The following HK1 variants were observed in gnomAD, a reference collection of about 807,000 sequenced individuals.
The protein encoded by HK1 is hexokinase 1.
A neutral mutation model predicts 91.6 loss-of-function variants in HK1; 28 were observed. The observed-to-expected ratio is 0.31, with a 90% CI of 0.23 to 0.42. The LOEUF (loss-of-function observed/expected upper bound fraction) is 0.42, where lower values mean the gene tolerates loss of function less well. HK1 is among the 10% of genes least tolerant of loss of function. The probability of loss-of-function intolerance (pLI) is 1.00; values close to 1 mark genes in which losing one functional copy is unlikely to be tolerated. For missense variants in HK1, 770 were observed against 1,219.8 expected, an observed-to-expected ratio of 0.63 and a Z score of 5.49; for synonymous variants, 430 against 468.1, an observed-to-expected ratio of 0.92 and a Z score of 1.05.
intron 4 of HK1, among the ~76,000 whole-genome samples, chr10:69,300,063 G>A (rs995569138): frequency 1.3e-5 from 2 of 151,628 alleles, no homozygotes; most frequent in African/African-American, 4.9e-5. Flanking sequence ...GCCTCCCAAA[G>A]TGCTTGGATT....
At chr10:69,302,755 CAAAAAA>C (rs58435739) in intron 5 of HK1, among the ~76,000 whole-genome samples, 4 of 127,508 alleles carry the variant, frequency 3.1e-5, no homozygotes, top group Admixed American at 8.1e-5. Flanking sequence ...GACCCTGTCT[CAAAAAA>C]AAAAAAAAAA....
chr10:69,354,009 C>T (rs1218215231), intron 2 of HK1, among the ~76,000 whole-genome samples: 1 of 152,182 alleles, frequency 6.6e-6, no homozygotes, highest in Non-Finnish European at 1.5e-5. Flanking sequence ...AGCCCTCGAC[C>T]TGTGGGATAT....
rs576999201 is a variant in HK1, at chr10:69,294,547, C to T, written c.-114-1086C>T. Among the ~76,000 whole-genome samples, 8 of 152,174 alleles carry T rather than the reference C, an allele frequency of 5.3e-5. No homozygotes were observed. In the South Asian group the frequency reaches 1.7e-3, roughly 32 times the overall value. ...GACCAGCCTGGTCAACACAGAGGGACTCCATCTGTACAAAAACTAAAAAAT... is the reference window on the plus strand; with the variant it reads ...GACCAGCCTGGTCAACACAGAGGGATTCCATCTGTACAAAAACTAAAAAAT... On this transcript the variant is annotated intron_variant, in intron 3 of 21. Coordinates refer to the HK1 transcript ENST00000360289.
intron 5 of HK1, among the ~76,000 whole-genome samples, chr10:69,301,849 T>C (rs1265968886): frequency 6.6e-6 from 1 of 152,128 alleles, no homozygotes; most frequent in Admixed American, 6.6e-5. Context: ...TTTGCAGAAA[T>C]TGACAAGCTG....
At chr10:69,360,090 C>G in intron 3 of HK1, 45 bp downstream of exon 3, 3 of 1,594,610 alleles carry the variant, frequency 1.9e-6, no homozygotes, top group Non-Finnish European at 2.6e-6. Flanking sequence ...GCCAGCATCC[C>G]CTTGGTTACC....
At chr10:69,393,455 C>T (rs1840001458) in intron 15 of HK1, among the ~76,000 whole-genome samples, 1 of 152,066 alleles carries the variant, frequency 6.6e-6, no homozygotes, top group Admixed American at 6.6e-5. Flanking sequence ...CGGCACCACG[C>T]CCAGCTAGTT....
intron 4 of HK1, among the ~76,000 whole-genome samples, chr10:69,366,651 A>G (rs567660784): frequency 1.8e-4 from 27 of 152,200 alleles, no homozygotes; most frequent in South Asian, 2.1e-4. Flanking sequence ...AGCTGTGGCC[A>G]TATGTAGACT....
intron 5 of HK1, among the ~76,000 whole-genome samples, chr10:69,307,793 G>A (rs1564499036): frequency 6.6e-6 from 1 of 152,044 alleles, no homozygotes; most frequent in Non-Finnish European, 1.5e-5. Context: ...AATGTATTTA[G>A]CTTACAAAGC....
At chr10:69,312,051 C>A (rs1448447295), upstream of HK1, among the ~76,000 whole-genome samples, 1 of 152,190 alleles carries the variant, frequency 6.6e-6, no homozygotes. Context: ...TTCTGAGGAA[C>A]TTTTACCTTC....
At chr10:69,301,243 T>TG (rs1356664274) in intron 5 of HK1, among the ~76,000 whole-genome samples, 1 of 47,698 alleles carries the variant, frequency 2.1e-5, no homozygotes. Flanking sequence ...AGACTCCATC[T>TG]CAAAAAAAAA....
chr10:69,309,907 G>A (rs1475048859), intron 5 of HK1, among the ~76,000 whole-genome samples: 5 of 150,282 alleles, frequency 3.3e-5, no homozygotes, highest in Admixed American at 6.6e-5. Context: ...AAAATTAGCC[G>A]GGTGTTGTGG....
chr10:69,336,402 G>A (rs1847987232), intron 1 of HK1, among the ~76,000 whole-genome samples: 1 of 151,818 alleles, frequency 6.6e-6, no homozygotes, highest in Non-Finnish European at 1.5e-5. Context: ...TGTTGGTCAG[G>A]CTGGTCTTGA....
chr10:69,321,912 G>T (rs1308054003), intron 1 of HK1, among the ~76,000 whole-genome samples: 3 of 152,174 alleles, frequency 2.0e-5, no homozygotes, highest in African/African-American at 4.8e-5. Flanking sequence ...CTCTTCTAGT[G>T]CCTGTAGGAG....
In HK1 at chr10:69,318,908, C is replaced by G. The variant is rs1186570605; in HGVS notation, c.-40C>G. The G allele has an allele frequency of 6.4e-7, 1 of 1,556,166 alleles. No homozygotes were observed. Among genetic ancestry groups the G allele is most frequent in the East Asian group, 2.4e-5 (1 of 40,942 alleles). ...GCTCGCCAGGGCTGCGGAGGACCGACCGTCCCCACGCCTGCCGCCCCGCGA... is the reference window on the plus strand; with the variant it reads ...GCTCGCCAGGGCTGCGGAGGACCGAGCGTCCCCACGCCTGCCGCCCCGCGA... On this transcript the variant is annotated 5_prime_UTR_variant, in exon 1 of 18. Transcript: ENST00000359426.
chr10:69,395,236 A>G (rs1257623679), intron 16 of HK1, 131 bp downstream of exon 16: 35 of 767,600 alleles, frequency 4.6e-5, no homozygotes, highest in Non-Finnish European at 7.5e-5. Context: ...CCTCTGGAAT[A>G]GCAGACCCTG....
At chr10:69,389,993 G>A (rs1839823311) in intron 14 of HK1, among the ~76,000 whole-genome samples, 1 of 152,196 alleles carries the variant, frequency 6.6e-6, no homozygotes, top group Non-Finnish European at 1.5e-5. Context: ...AAAGACCCCA[G>A]GGAGTTTCTT....
chr10:69,368,615 C>T lies in HK1; in HGVS notation c.575C>T (p.Ala192Val). Residue 192 changes from alanine to valine, a missense_variant, in exon 5 of 18, where the codon GCC becomes GTC. Around this residue, in one of 7 missense-constraint regions of HK1, gnomAD observed 449 missense variants for 665.1 expected, o/e 0.68. Transcript: ENST00000359426. ...GADVVKLLNK[A>V]IKKRGDYDAN... ...GATGTGGTCAAACTGCTTAACAAAG[C>T]CATCAAAAAGCGAGGGGTAATTTCT... 6.2e-7 allele frequency: 1 copy of T among 1,613,872 alleles called. No homozygotes were observed. Among genetic ancestry groups the T allele is most frequent in the South Asian group, 1.1e-5 (1 of 91,078 alleles).
At chr10:69,275,169 C>T (rs1465732654) in intron 1 of HK1, among the ~76,000 whole-genome samples, 1 of 151,212 alleles carries the variant, frequency 6.6e-6, no homozygotes, top group Non-Finnish European at 1.5e-5. Context: ...ATTTTAAATT[C>T]CCATTACAAT....
chr10:69,284,688 G>C, intron 2 of HK1, among the ~76,000 whole-genome samples: 1 of 152,212 alleles, frequency 6.6e-6, no homozygotes, highest in East Asian at 1.9e-4. Flanking sequence ...GCCCAGGCTG[G>C]AGTGCAGTGG....
Sources: gnomAD v4.1 joint callset for allele counts (sites outside exome capture counted in the v4.1 genomes callset) on GRCh38, gnomAD v4.1.1 for gene constraint, gnomAD v4.1.1 regional missense constraint, MANE v1.5 for transcripts, NCBI Gene and HGNC (gene_info 2026-07-23, HGNC 2026-07-21) for gene names.